GRID2: variants seen among roughly 807,000 people sequenced by gnomAD.
GRID2 encodes glutamate ionotropic receptor delta type subunit 2.
In GRID2, 33 loss-of-function variants were observed where a neutral mutation model predicts 114.8. The observed-to-expected ratio is 0.29, with a 90% CI of 0.22 to 0.38. The LOEUF (loss-of-function observed/expected upper bound fraction) is 0.38. Ranked by LOEUF, GRID2 falls within the 10% of genes least tolerant of loss-of-function variation. The pLI, the probability that GRID2 is intolerant of heterozygous loss-of-function variation, is 1.00. For missense variants in GRID2, 1,184 were observed against 1,257.7 expected, an observed-to-expected ratio of 0.94 and a Z score of 0.89; for synonymous variants, 505 against 449.9, an observed-to-expected ratio of 1.12 and a Z score of -1.55.
rs184036222 is a variant in GRID2, at chr4:92,447,754, T to A, written c.89-142377T>A. Among the ~76,000 whole-genome samples the A allele has an allele frequency of 1.4e-3, 208 of 152,304 alleles. 1 individual carries two copies. The highest frequency in any genetic ancestry group is 3.4e-3 in the Middle Eastern group (1 of 294). ...TACCTTCTAGCTGTGTCTGCTCATG[T>A]TGGAAGAAGCAAGCTAACATTCTGA... On this transcript the variant is annotated intron_variant, in intron 1 of 15. Coordinates refer to ENST00000282020, the MANE Select transcript of GRID2 (RefSeq NM_001510.4).
chr4:92,544,104 A>G (rs978778409), intron 1 of GRID2, among the ~76,000 whole-genome samples: 1 of 152,158 alleles, frequency 6.6e-6, no homozygotes, highest in Admixed American at 6.5e-5. Flanking sequence ...AGTGGCTGGC[A>G]GAATTCAGAG....
chr4:92,451,130 G>A (rs891316303), intron 1 of GRID2, among the ~76,000 whole-genome samples: 3 of 151,982 alleles, frequency 2.0e-5, no homozygotes, highest in African/African-American at 7.2e-5. Flanking sequence ...TTATTTATGG[G>A]AATTAGAGAG....
intron 2 of GRID2, among the ~76,000 whole-genome samples, chr4:92,929,916 T>C (rs1750096943): frequency 6.6e-6 from 1 of 151,384 alleles, no homozygotes. Flanking sequence ...CATTCTTTTT[T>C]ACTTGGGTTG....
At chr4:93,600,886 A>G (rs191902516) in intron 13 of GRID2, among the ~76,000 whole-genome samples, 69 of 152,334 alleles carry the variant, frequency 4.5e-4, no homozygotes, top group Admixed American at 1.6e-3. Context: ...TCTGAAAAGC[A>G]TTGTGCTGTT....
At chr4:92,753,865 A>G (rs1002163520) in intron 2 of GRID2, among the ~76,000 whole-genome samples, 1 of 152,214 alleles carries the variant, frequency 6.6e-6, no homozygotes. Context: ...TAAGAATTTC[A>G]TGATACTATA....
intron 2 of GRID2, among the ~76,000 whole-genome samples, chr4:92,928,355 A>T (rs903617031): frequency 1.3e-5 from 2 of 151,810 alleles, no homozygotes; most frequent in Admixed American, 1.3e-4. Context: ...TCATTTCATG[A>T]TATTTAGAAG....
At chr4:92,435,953 C>T (rs565390815) in intron 1 of GRID2, among the ~76,000 whole-genome samples, 97 of 152,058 alleles carry the variant, frequency 6.4e-4, no homozygotes, top group Non-Finnish European at 1.2e-3. Flanking sequence ...GTTGTTGTAT[C>T]TGAGATTGTT....
At chr4:92,682,026 A>C (rs1733674179) in intron 2 of GRID2, among the ~76,000 whole-genome samples, 1 of 152,154 alleles carries the variant, frequency 6.6e-6, no homozygotes, top group Admixed American at 6.5e-5. Flanking sequence ...AAAGGAGAGT[A>C]AATAATTAAT....
rs187381469 is a variant in GRID2 at position 92,892,058 on chromosome 4, T to G, written c.245-192937T>G. On this transcript the variant is annotated intron_variant, in intron 2 of 15. Transcript: ENST00000282020. ...TATGAAAATGTAATAGCTGGTTTTT[T>G]TTTTTGTTTTTGTTTTTGTTTTGAG... Among the ~76,000 whole-genome samples the G allele has an allele frequency of 2.5e-3, 377 of 152,226 alleles. 2 individuals are homozygous for G. Among genetic ancestry groups the G allele is most frequent in the African/African-American group, 4.7e-3 (194 of 41,548 alleles).
intron 8 of GRID2, among the ~76,000 whole-genome samples, chr4:93,288,681 C>A (rs1753431692): frequency 6.6e-6 from 1 of 152,138 alleles, no homozygotes; most frequent in South Asian, 2.1e-4. Context: ...GGCTGCTAAC[C>A]ATACATTGAT....
intron 2 of GRID2, among the ~76,000 whole-genome samples, chr4:92,783,958 A>T (rs1196131571): frequency 6.6e-6 from 1 of 151,956 alleles, no homozygotes; most frequent in East Asian, 1.9e-4. Context: ...CGTTTTGGTA[A>T]TTGGGAAAAA....
At chr4:93,415,897 G>C (rs1221949830) in intron 9 of GRID2, among the ~76,000 whole-genome samples, 2 of 151,834 alleles carry the variant, frequency 1.3e-5, no homozygotes, top group African/African-American at 4.8e-5. Context: ...AAGAAGTTAG[G>C]ATGACAGTAT....
chr4:92,497,207 G>C (rs1723432718), intron 1 of GRID2, among the ~76,000 whole-genome samples: 1 of 151,790 alleles, frequency 6.6e-6, no homozygotes, highest in Non-Finnish European at 1.5e-5. Context: ...AGGCGTCTTT[G>C]AAGGTTTAAA....
chr4:92,478,006 T>G (rs565046287), intron 1 of GRID2, among the ~76,000 whole-genome samples: 233 of 151,654 alleles, frequency 1.5e-3, no homozygotes, highest in African/African-American at 5.5e-3. Flanking sequence ...AAATATTTGT[T>G]GACTAAATGA....
At chr4:92,703,637 ATATATAT>A (rs1579875524) in intron 2 of GRID2, among the ~76,000 whole-genome samples, 1 of 148,438 alleles carries the variant, frequency 6.7e-6, no homozygotes, top group Non-Finnish European at 1.5e-5. Context: ...ATATATATAT[ATATATAT>A]AAAATCATGA....
intron 14 of GRID2, among the ~76,000 whole-genome samples, chr4:93,652,156 G>A (rs1399631368): frequency 6.6e-6 from 1 of 152,004 alleles, no homozygotes; most frequent in East Asian, 1.9e-4. Flanking sequence ...AAAGTCACTG[G>A]GGCATGCCCT....
chr4:92,687,719 C>A (rs1733981939), intron 2 of GRID2, among the ~76,000 whole-genome samples: 1 of 152,028 alleles, frequency 6.6e-6, no homozygotes, highest in South Asian at 2.1e-4. Flanking sequence ...ATCGCAGCTA[C>A]TCAGGAGGCT....
At chr4:92,551,642 T>A (rs576111511) in intron 1 of GRID2, among the ~76,000 whole-genome samples, 3 of 152,256 alleles carry the variant, frequency 2.0e-5, no homozygotes, top group Admixed American at 2.0e-4. Flanking sequence ...GTGAAGATGT[T>A]GGAGATAAAT....
intron 8 of GRID2, among the ~76,000 whole-genome samples, chr4:93,315,310 T>C (rs965514440): frequency 6.6e-6 from 1 of 152,054 alleles, no homozygotes; most frequent in African/African-American, 2.4e-5. Context: ...CAAAGCAATA[T>C]CATAAGCTAT....
Sources: gnomAD v4.1 joint callset for allele counts (sites outside exome capture counted in the v4.1 genomes callset) on GRCh38, gnomAD v4.1.1 for gene constraint, MANE v1.5 for transcripts, NCBI Gene and HGNC (gene_info 2026-07-23, HGNC 2026-07-21) for gene names.